Variants in ACOXL observed in about 807,000 individuals in gnomAD.
The protein encoded by ACOXL is acyl-coenzyme A oxidase-like protein.
Under a neutral mutation model 71.9 loss-of-function variants are expected in ACOXL, and 70 were observed. The observed-to-expected ratio is 0.97, with a 90% confidence interval of 0.80 to 1.19. ACOXL has a LOEUF of 1.19. ACOXL is among the 50% of genes most tolerant of loss of function. The pLI, the probability that ACOXL is intolerant of heterozygous loss-of-function variation, is 0.00. For missense variants in ACOXL, 703 were observed against 736.3 expected, an observed-to-expected ratio of 0.95 and a Z score of 0.52; for synonymous variants, 253 against 281.6, an observed-to-expected ratio of 0.90 and a Z score of 1.02.
chr2:110,751,862 A>G (rs1010930248), intron 1 of ACOXL, among the ~76,000 whole-genome samples: 3 of 152,226 alleles, frequency 2.0e-5, no homozygotes, highest in African/African-American at 4.8e-5. Flanking sequence ...TTAGTGGTAT[A>G]TTAATTCAAT....
At chr2:111,083,158 T>C (rs981056102) in intron 16 of ACOXL, among the ~76,000 whole-genome samples, 2 of 152,148 alleles carry the variant, frequency 1.3e-5, no homozygotes, top group African/African-American at 4.8e-5. Flanking sequence ...ATTCTGCGCA[T>C]GTATCCCAGA....
intron 12 of ACOXL, among the ~76,000 whole-genome samples, chr2:110,985,961 G>A (rs538549591): frequency 2.0e-5 from 3 of 152,254 alleles, no homozygotes; most frequent in East Asian, 3.9e-4. Context: ...CTCTTTAAGA[G>A]CCTCTGTATC....
intron 2 of ACOXL, among the ~76,000 whole-genome samples, chr2:110,783,478 A>C (rs911669102): frequency 6.6e-6 from 1 of 152,156 alleles, no homozygotes; most frequent in African/African-American, 2.4e-5. Context: ...TGGTTGAGAG[A>C]AACATTGTAA....
intron 14 of ACOXL, among the ~76,000 whole-genome samples, chr2:110,999,419 C>G (rs2063527770): frequency 6.6e-6 from 1 of 152,080 alleles, no homozygotes; most frequent in Admixed American, 6.6e-5. Context: ...CCAGCCACTA[C>G]CAGTTGGCAA....
rs1183203064 is a variant in ACOXL, at chr2:111,019,695, A to T, written c.1282-11932A>T. 5.9e-5 allele frequency among the ~76,000 whole-genome samples: 9 copies of T among 152,174 alleles called. No individual in the cohort carries two copies. The East Asian group carries it at 1.5e-3, about 26-fold the overall frequency. ...TAGACTTTGTCTTTGGGGTCTGTTT[A>T]TATTGCCGGACTCCAGACCAGAGCT... On this transcript the variant is annotated intron_variant, in intron 14 of 17. Transcript: ENST00000439055.
intron 12 of ACOXL, chr2:110,967,769 AAAAC>A (rs1202006762): frequency 6.5e-6 from 4 of 615,942 alleles, no homozygotes; most frequent in Non-Finnish European, 1.2e-5. Flanking sequence ...AAAGAACTGA[AAAAC>A]AGGCACTGCT....
chr2:111,064,585 T>C (rs2066976786), intron 16 of ACOXL, among the ~76,000 whole-genome samples: 1 of 152,180 alleles, frequency 6.6e-6, no homozygotes, highest in Non-Finnish European at 1.5e-5. Flanking sequence ...TAGGGAATAA[T>C]GACAACAGAA....
At position 110,805,315 on chromosome 2, in the gene ACOXL, A is replaced by T. The variant is rs768494006; in HGVS notation, c.673A>T (p.Ser225Cys). The change falls in exon 9 of 18, where the codon AGT becomes TGT. Residue 225 changes from serine (S) to cysteine (C), a missense_variant. Physicochemically the swap from Ser to Cys is moderately radical, Grantham distance 112. Coordinates refer to ENST00000439055, the MANE Select transcript of ACOXL (RefSeq NM_001142807.4). ...GTACCATTCGCCTATTAGGAACAAG[A>T]GTGCAAGATTCAATGCCATGCTGGC... ...GQYHSPIRNK[S>C]ARFNAMLAAL... is the part of the protein sequence containing the mutation. 5.6e-6 allele frequency: 9 copies of T among 1,614,240 alleles called. No individual in the cohort carries two copies. Among genetic ancestry groups the T allele is most frequent in the Non-Finnish European group, 5.9e-6 (7 of 1,180,040 alleles).
chr2:110,982,799 C>T (rs771092019), intron 12 of ACOXL, among the ~76,000 whole-genome samples: 2 of 152,158 alleles, frequency 1.3e-5, no homozygotes, highest in Non-Finnish European at 2.9e-5. Context: ...TCTGGCAGTC[C>T]TGTTGGAACC....
chr2:110,816,442 A>G (rs1687927471), intron 9 of ACOXL, among the ~76,000 whole-genome samples: 1 of 152,182 alleles, frequency 6.6e-6, no homozygotes, highest in African/African-American at 2.4e-5. Flanking sequence ...AAAAAGAAAA[A>G]CAAGCACTTT....
At chr2:111,025,722 A>T (rs950762285) in intron 14 of ACOXL, among the ~76,000 whole-genome samples, 1 of 152,028 alleles carries the variant, frequency 6.6e-6, no homozygotes, top group Non-Finnish European at 1.5e-5. Flanking sequence ...ATTATATGAG[A>T]TTGCATAGAT....
chr2:110,898,529 A>G (rs1356621099), intron 10 of ACOXL, among the ~76,000 whole-genome samples: 1 of 152,242 alleles, frequency 6.6e-6, no homozygotes, highest in Non-Finnish European at 1.5e-5. Context: ...AAGTGTTTGA[A>G]AAATTCAGTA....
rs561595783 is a variant in ACOXL at position 110,991,368 on chromosome 2, T to G, written c.1169+4151T>G. Among the ~76,000 whole-genome samples the G allele has an allele frequency of 1.2e-3, 177 of 152,300 alleles. 1 individual carries two copies. The highest frequency in any genetic ancestry group is 1.8e-3 in the Non-Finnish European group (122 of 68,010). On this transcript the variant is annotated intron_variant, in intron 13 of 17. Coordinates refer to ENST00000439055, the MANE Select transcript of ACOXL (RefSeq NM_001142807.4). ...TTGTTATTTTTCAAACAACTGATTT[T>G]TCCCTTTGATCCTTTGTGTCATACC...
intron 16 of ACOXL, among the ~76,000 whole-genome samples, chr2:111,082,801 T>C (rs773288124): frequency 6.6e-6 from 1 of 152,134 alleles, no homozygotes; most frequent in Non-Finnish European, 1.5e-5. Flanking sequence ...CCACCAATGA[T>C]AGACTGGATA....
chr2:110,749,583 C>G (rs1276274771), intron 1 of ACOXL, among the ~76,000 whole-genome samples: 3 of 152,122 alleles, frequency 2.0e-5, no homozygotes, highest in African/African-American at 7.2e-5. Flanking sequence ...AAAACATTAG[C>G]TGGGCACGGT....
intron 12 of ACOXL, among the ~76,000 whole-genome samples, chr2:110,979,100 C>T (rs1285533424): frequency 1.4e-5 from 2 of 147,070 alleles, no homozygotes; most frequent in Non-Finnish European, 3.0e-5. Flanking sequence ...TTGGGAACAA[C>T]AGCCGGCCCT....
intron 1 of ACOXL, among the ~76,000 whole-genome samples, chr2:110,760,121 T>C (rs1422872024): frequency 6.6e-6 from 1 of 151,762 alleles, no homozygotes. Context: ...AATCATATTA[T>C]AGCTAGTTAA....
chr2:110,902,949 G>A (rs1490558080), intron 10 of ACOXL, among the ~76,000 whole-genome samples: 1 of 152,224 alleles, frequency 6.6e-6, no homozygotes, highest in African/African-American at 2.4e-5. Context: ...ACAAAGGAAG[G>A]TGGCCTGAGC....
intron 14 of ACOXL, among the ~76,000 whole-genome samples, chr2:111,029,513 C>T (rs1191617368): frequency 3.9e-5 from 6 of 151,930 alleles, no homozygotes; most frequent in Non-Finnish European, 7.4e-5. Flanking sequence ...TAGGTCAGCC[C>T]ATCTGGGCGT....
Sources: allele counts gnomAD v4.1 joint callset (sites outside exome capture counted in the v4.1 genomes callset), GRCh38; gene constraint gnomAD v4.1.1; transcripts MANE v1.5; gene names NCBI Gene and HGNC (gene_info 2026-07-23, HGNC 2026-07-21).